GLI2: variants seen among roughly 807,000 people sequenced by gnomAD.
The protein encoded by GLI2 is transcription activator GLI2.
A neutral mutation model predicts 78.9 loss-of-function variants in GLI2; 22 were observed. The observed-to-expected ratio is 0.28, with a 90% CI of 0.20 to 0.40. GLI2 has a LOEUF of 0.40. Among genes scored for constraint, GLI2 ranks in the 10% least tolerant of loss-of-function variants. GLI2 has a pLI of 1.00. For synonymous variants in GLI2, 974 were observed against 963.7 expected, an observed-to-expected ratio of 1.01 and a Z score of -0.20; for missense variants, 2,097 against 2,213.2, an observed-to-expected ratio of 0.95 and a Z score of 1.05.
chr2:120,932,119 A>C (rs552428795), intron 3 of GLI2, among the ~76,000 whole-genome samples: 1 of 152,222 alleles, frequency 6.6e-6, no homozygotes, highest in Non-Finnish European at 1.5e-5. Flanking sequence ...TCCATGATGA[A>C]TGTGGTTGGA....
At chr2:120,785,586 A>G (rs1338616797) in intron 1 of GLI2, among the ~76,000 whole-genome samples, 1 of 152,040 alleles carries the variant, frequency 6.6e-6, no homozygotes, top group African/African-American at 2.4e-5. Flanking sequence ...CAGAGCTACC[A>G]CCCTGGATCT....
chr2:120,964,535 C>T (rs1225401189), intron 5 of GLI2, among the ~76,000 whole-genome samples: 2 of 152,122 alleles, frequency 1.3e-5, no homozygotes, highest in Non-Finnish European at 1.5e-5. Flanking sequence ...TTTTGAGAGG[C>T]GTTCACGAGC....
At chr2:120,967,788 G>A (rs1295556913) in intron 5 of GLI2, among the ~76,000 whole-genome samples, 3 of 152,200 alleles carry the variant, frequency 2.0e-5, no homozygotes, top group African/African-American at 7.2e-5. Context: ...CCAGAGCCTC[G>A]GGCGACTTTA....
rs117557976 is a variant in GLI2, at chr2:120,834,062, A to G, written c.148+36594A>G. On this transcript the variant is annotated intron_variant, in intron 2 of 13. Coordinates refer to ENST00000361492, the MANE Select transcript of GLI2 (RefSeq NM_001374353.1). Reference sequence around the variant, plus strand: ...GGGGGTGCTCAGTCCCCCGCCCCCAACCGCCACATCATCTTGCCCAGCATC... The same window carrying G: ...GGGGGTGCTCAGTCCCCCGCCCCCAGCCGCCACATCATCTTGCCCAGCATC... Among the ~76,000 whole-genome samples, 11 of 152,274 alleles carry G rather than the reference A, an allele frequency of 7.2e-5. No homozygotes were observed. In the East Asian group the frequency reaches 2.1e-3, roughly 30 times the overall value.
At chr2:120,944,092 G>A (rs997785388) in intron 3 of GLI2, among the ~76,000 whole-genome samples, 12 of 152,150 alleles carry the variant, frequency 7.9e-5, no homozygotes, top group African/African-American at 2.9e-4. Flanking sequence ...CACCCACTCC[G>A]AGGGTCTGGC....
intron 2 of GLI2, among the ~76,000 whole-genome samples, chr2:120,836,209 G>A (rs1487306732): frequency 6.6e-6 from 1 of 152,058 alleles, no homozygotes; most frequent in Non-Finnish European, 1.5e-5. Context: ...CAGGAGTAGC[G>A]TCAGACCAGA....
At chr2:120,842,603 C>T (rs1420433463) in intron 2 of GLI2, among the ~76,000 whole-genome samples, 1 of 152,216 alleles carries the variant, frequency 6.6e-6, no homozygotes, top group Non-Finnish European at 1.5e-5. Context: ...ATGTAGCTTA[C>T]AGGGAGCTCC....
chr2:120,911,171 C>T (rs970047104), intron 2 of GLI2, among the ~76,000 whole-genome samples: 2 of 152,234 alleles, frequency 1.3e-5, no homozygotes, highest in Non-Finnish European at 2.9e-5. Context: ...TACCCTACCC[C>T]ACCCATGTCT....
At chr2:120,819,539 C>T (rs1237402139) in intron 2 of GLI2, among the ~76,000 whole-genome samples, 4 of 152,136 alleles carry the variant, frequency 2.6e-5, no homozygotes, top group South Asian at 2.1e-4. Context: ...TGCACCCCAC[C>T]GGTTTTTGTA....
chr2:120,884,253 T>C (rs1454848485), intron 2 of GLI2, among the ~76,000 whole-genome samples: 2 of 152,020 alleles, frequency 1.3e-5, no homozygotes, highest in African/African-American at 2.4e-5. Context: ...GCACGGATGG[T>C]GGAGTGGACA....
Position 120,736,265 on chromosome 2 carries a change from G to C in GLI2, c.-51G>C, listed in dbSNP as rs1365823883. The C allele has an allele frequency of 1.3e-5, 2 of 152,068 alleles. No individual in the cohort carries two copies. Among genetic ancestry groups the C allele is most frequent in the South Asian group, 4.1e-4 (2 of 4,826 alleles). The allele number at this position is 152,068 out of a possible 1,614,324, so 9.4% of individuals were successfully genotyped here. On this transcript the variant is annotated 5_prime_UTR_variant, in exon 1 of 14. Coordinates refer to ENST00000361492, the MANE Select transcript of GLI2 (RefSeq NM_001374353.1). ...CCCGAGAGGCCACCTGCGTGCTAGA[G>C]GCAAACTTTTGTCTCTCTCGGTAAA...
chr2:120,931,557 C>T (rs1679944434), intron 3 of GLI2, among the ~76,000 whole-genome samples: 1 of 152,142 alleles, frequency 6.6e-6, no homozygotes, highest in South Asian at 2.1e-4. Context: ...ATCACTGAGC[C>T]CCAGTGTGGA....
In GLI2 at chr2:120,791,453, C is replaced by T. The variant is rs186330038; in HGVS notation, c.-30-5838C>T. 7.2e-5 allele frequency among the ~76,000 whole-genome samples: 11 copies of T among 152,290 alleles called. No individual in the cohort carries two copies. In the East Asian group the frequency reaches 1.7e-3, roughly 24 times the overall value. On this transcript the variant is annotated intron_variant, in intron 1 of 13. Transcript: ENST00000361492. The stretch of plus-strand genomic sequence containing the variant: ...AGACAGAGTCCTCAGGGCCTCAGGC[C>T]GTGAGTCGGCTGCTTCCCTTTTAGC...
intron 3 of GLI2, among the ~76,000 whole-genome samples, chr2:120,937,882 C>T (rs1401660846): frequency 6.6e-6 from 1 of 152,174 alleles, no homozygotes; most frequent in Non-Finnish European, 1.5e-5. Flanking sequence ...AGTTTCTATC[C>T]AGCCCGCCGG....
rs1683187466 is a variant in GLI2, at chr2:120,989,631, C to T, written c.3666C>T (p.Thr1222=). Residue 1222 remains threonine (T), a synonymous_variant, in exon 14 of 14, where the codon ACC becomes ACT. Coordinates refer to ENST00000361492, the MANE Select transcript of GLI2 (RefSeq NM_001374353.1). ...VAGSQCPGMT[T]TMSPHACYGQ... ...GCAGCCAGTGTCCTGGCATGACTAC[C>T]ACTATGAGCCCCCATGCCTGCTATG... 6.2e-7 allele frequency: 1 copy of T among 1,613,292 alleles called. No homozygotes were observed. The highest frequency in any genetic ancestry group is 8.5e-7 in the Non-Finnish European group (1 of 1,179,952).
chr2:120,842,513 C>T (rs748071281), intron 2 of GLI2, among the ~76,000 whole-genome samples: 5 of 152,126 alleles, frequency 3.3e-5, no homozygotes, highest in African/African-American at 4.8e-5. Flanking sequence ...TCCAATCTTC[C>T]GCTATTTTCA....
intron 2 of GLI2, among the ~76,000 whole-genome samples, chr2:120,845,222 G>A (rs1371697165): frequency 6.6e-6 from 1 of 152,086 alleles, no homozygotes; most frequent in Admixed American, 6.5e-5. Flanking sequence ...GCAGTGAGCC[G>A]AGATTGTGCC....
chr2:120,865,334 A>G (rs1476647019), intron 2 of GLI2, among the ~76,000 whole-genome samples: 1 of 152,148 alleles, frequency 6.6e-6, no homozygotes, highest in Non-Finnish European at 1.5e-5. Context: ...CCACCCGACT[A>G]CTGTCAGAAG....
chr2:120,774,392 C>G (rs1358750779), intron 1 of GLI2, among the ~76,000 whole-genome samples: 1 of 152,204 alleles, frequency 6.6e-6, no homozygotes, highest in African/African-American at 2.4e-5. Context: ...ACCACCACCA[C>G]TATCTAAACC....
Sources: allele counts gnomAD v4.1 joint callset (sites outside exome capture counted in the v4.1 genomes callset), GRCh38; gene constraint gnomAD v4.1.1; transcripts MANE v1.5; gene names NCBI Gene and HGNC (gene_info 2026-07-23, HGNC 2026-07-21).